Variants in PTK2 observed in about 807,000 individuals in gnomAD.
The protein encoded by PTK2 is focal adhesion kinase 1.
In PTK2, 45 loss-of-function variants were observed where a neutral mutation model predicts 150.1. The observed-to-expected ratio is 0.30, with a 90% CI of 0.24 to 0.38. The LOEUF is 0.38. PTK2 is among the 10% of genes least tolerant of loss of function. PTK2 has a pLI of 1.00. For missense variants in PTK2, 919 were observed against 1,307.3 expected (o/e 0.70, Z 4.58); for synonymous variants, 432 against 449.2 (o/e 0.96, Z 0.48).
chr8:140,816,894 T>C (rs1267736239), intron 10 of PTK2, among the ~76,000 whole-genome samples: 1 of 152,250 alleles, frequency 6.6e-6, no homozygotes, highest in Non-Finnish European at 1.5e-5. Context: ...TCCAACAGCT[T>C]CTTTTAAAAT....
At chr8:140,911,093 A>T (rs1374372165) in intron 2 of PTK2, among the ~76,000 whole-genome samples, 1 of 148,286 alleles carries the variant, frequency 6.7e-6, no homozygotes, top group Non-Finnish European at 1.5e-5. Flanking sequence ...GTCTTGCCAT[A>T]TTGCTCAGGC....
chr8:140,814,287 CTCT>C (rs778371153), intron 10 of PTK2, among the ~76,000 whole-genome samples: 1 of 152,204 alleles, frequency 6.6e-6, no homozygotes, highest in Non-Finnish European at 1.5e-5. Flanking sequence ...GGAGGGACTC[CTCT>C]CTAACTCATT....
intron 1 of PTK2, among the ~76,000 whole-genome samples, chr8:140,973,206 T>C (rs1301023214): frequency 2.0e-5 from 3 of 152,240 alleles, no homozygotes; most frequent in Non-Finnish European, 4.4e-5. Flanking sequence ...AAAGAAAAGT[T>C]TGGCCCTTTG....
chr8:141,001,543 G>C (rs1304935918), upstream of PTK2, among the ~76,000 whole-genome samples: 1 of 152,150 alleles, frequency 6.6e-6, no homozygotes, highest in Non-Finnish European at 1.5e-5. Flanking sequence ...CCCTGGTCTC[G>C]GGGGTGGCCG....
At chr8:140,908,962 TC>T (rs2100162041) in intron 2 of PTK2, 1 of 152,260 alleles carries the variant, frequency 6.6e-6, no homozygotes, top group African/African-American at 2.4e-5. Flanking sequence ...ACGCCTGTAA[TC>T]CCAGCACTCT....
At chr8:140,928,147 T>C (rs957956706) in intron 1 of PTK2, among the ~76,000 whole-genome samples, 4 of 151,754 alleles carry the variant, frequency 2.6e-5, no homozygotes, top group Admixed American at 6.6e-5. Context: ...CGTATGCTTT[T>C]GGTTTTGTCA....
chr8:140,825,201 A>AC (rs1195079925), intron 8 of PTK2, among the ~76,000 whole-genome samples: 1 of 152,160 alleles, frequency 6.6e-6, no homozygotes. Context: ...TATCTACAGG[A>AC]CCCACATCAG....
At position 140,961,832 on chromosome 8, in the gene PTK2, T is replaced by C. The variant is rs1020295933; in HGVS notation, c.-121-36083A>G. 5.3e-5 allele frequency among the ~76,000 whole-genome samples: 8 copies of C among 152,198 alleles called. No individual in the cohort carries two copies. The East Asian group carries it at 1.2e-3, about 22-fold the overall frequency. ...TAAAAGAAAGCAAAGGTTTCTTTTA[T>C]AGGTTTAATTCTTTTAAAGATTTCA... On this transcript the variant is annotated intron_variant, in intron 1 of 31. Coordinates refer to ENST00000522684, the Ensembl canonical transcript of PTK2.
chr8:140,965,061 T>C (rs920544108), intron 1 of PTK2, among the ~76,000 whole-genome samples: 3 of 152,096 alleles, frequency 2.0e-5, no homozygotes, highest in African/African-American at 7.2e-5. Flanking sequence ...ATATGAAGAG[T>C]GTCGGCCTGG....
At chr8:140,873,927 TATAG>T (rs928821117) in intron 4 of PTK2, among the ~76,000 whole-genome samples, 1 of 152,232 alleles carries the variant, frequency 6.6e-6, no homozygotes, top group Non-Finnish European at 1.5e-5. Context: ...CCTTTCTTTT[TATAG>T]TGAACGTTTT....
chr8:140,853,397 G>C (rs1263439520), intron 5 of PTK2, among the ~76,000 whole-genome samples: 1 of 130,928 alleles, frequency 7.6e-6, no homozygotes, highest in Non-Finnish European at 1.5e-5. Flanking sequence ...GTGTCCAAGT[G>C]TTCTCATTGT....
chr8:140,720,575 C>T (rs540423997), intron 22 of PTK2, among the ~76,000 whole-genome samples: 106 of 152,342 alleles, frequency 7.0e-4, no homozygotes, highest in Non-Finnish European at 1.2e-3. Flanking sequence ...ACCTCCCTAA[C>T]TACCTATCTT....
At chr8:140,952,589 T>C (rs2100179875) in intron 1 of PTK2, among the ~76,000 whole-genome samples, 1 of 152,174 alleles carries the variant, frequency 6.6e-6, no homozygotes. Context: ...CCTAGGCCCA[T>C]ACTCCAAAAA....
At chr8:140,712,347 G>GT (rs2100037298) in intron 23 of PTK2, among the ~76,000 whole-genome samples, 1 of 152,128 alleles carries the variant, frequency 6.6e-6, no homozygotes, top group Non-Finnish European at 1.5e-5. Context: ...ACGATGTTCT[G>GT]TTTTGTTGCA....
intron 8 of PTK2, 111 bp from the exon 9 acceptor site, chr8:140,819,131 A>T: frequency 9.7e-7 from 1 of 1,029,176 alleles, no homozygotes; most frequent in Non-Finnish European, 1.4e-6. Flanking sequence ...CCTACATTCA[A>T]ATTACTGCCA....
intron 17 of PTK2, among the ~76,000 whole-genome samples, chr8:140,751,429 T>G (rs1199500759): frequency 6.6e-6 from 1 of 152,068 alleles, no homozygotes; most frequent in Non-Finnish European, 1.5e-5. Flanking sequence ...CCTCCCAAAG[T>G]ACTGGGATTA....
chr8:140,698,787 G>T (rs1564618325), intron 26 of PTK2, among the ~76,000 whole-genome samples: 1 of 152,116 alleles, frequency 6.6e-6, no homozygotes, highest in Non-Finnish European at 1.5e-5. Flanking sequence ...GCTAATTTTT[G>T]TATTTTTAGT....
At chr8:140,802,160 T>C (rs1209655353) in intron 11 of PTK2, among the ~76,000 whole-genome samples, 5 of 152,026 alleles carry the variant, frequency 3.3e-5, no homozygotes, top group East Asian at 3.9e-4. Flanking sequence ...ACTGTTCTCA[T>C]AGGAGATGAC....
At chr8:140,823,862 C>T (rs1189404927) in intron 8 of PTK2, among the ~76,000 whole-genome samples, 3 of 152,216 alleles carry the variant, frequency 2.0e-5, no homozygotes, top group South Asian at 2.1e-4. Flanking sequence ...CCTCCTCCCA[C>T]ATTAGACCAG....
Sources: gnomAD v4.1 joint callset for allele counts (sites outside exome capture counted in the v4.1 genomes callset) on GRCh38, gnomAD v4.1.1 for gene constraint, MANE v1.5 for transcripts, NCBI Gene and HGNC (gene_info 2026-07-23, HGNC 2026-07-21) for gene names.